PRKN: variants seen among roughly 807,000 people sequenced by gnomAD.
PRKN encodes E3 ubiquitin-protein ligase parkin.
A neutral mutation model predicts 59.5 loss-of-function variants in PRKN; 56 were observed. The ratio of observed to expected loss-of-function variants is 0.94; its 90% CI spans 0.76 to 1.18. The LOEUF (loss-of-function observed/expected upper bound fraction) is 1.18, where lower values mean the gene tolerates loss of function less well. Ranked by LOEUF, PRKN falls within the 50% of genes most tolerant of loss-of-function variation. The probability of loss-of-function intolerance (pLI) is 0.00; values close to 1 mark genes in which losing one functional copy is unlikely to be tolerated. For synonymous variants in PRKN, 250 were observed against 222.1 expected, an observed-to-expected ratio of 1.13 and a Z score of -1.12; for missense variants, 657 against 596.4, an observed-to-expected ratio of 1.10 and a Z score of -1.06.
At chr6:161,565,318 C>T (rs1298128546) in intron 8 of PRKN, among the ~76,000 whole-genome samples, 1 of 152,116 alleles carries the variant, frequency 6.6e-6, no homozygotes, top group Non-Finnish European at 1.5e-5. Context: ...TCAACCATTT[C>T]CCAAGTTTAT....
In PRKN at chr6:162,727,677, G is replaced by A. The variant is rs549204834; in HGVS notation, c.-9C>T. ...ACCCACGTACCTATCATGGTCACTG[G>A]GTAGGTGGCGGCTGCGGGCCAGGAA... is the stretch of plus-strand genomic sequence containing the variant. On this transcript the variant is annotated 5_prime_UTR_variant, in exon 1 of 12. Transcript: ENST00000366898. 1.1e-5 allele frequency: 18 copies of A among 1,577,904 alleles called. No individual in the cohort carries two copies. In the African/African-American group the frequency reaches 2.3e-4, roughly 20 times the overall value.
intron 9 of PRKN, among the ~76,000 whole-genome samples, chr6:161,528,091 TAGATA>T (rs1779077648): frequency 6.6e-6 from 1 of 152,216 alleles, no homozygotes; most frequent in Admixed American, 6.5e-5. Context: ...AGAATTTCCA[TAGATA>T]TAATATATGC....
intron 1 of PRKN, among the ~76,000 whole-genome samples, chr6:162,479,832 C>T (rs1296516936): frequency 2.7e-5 from 4 of 150,330 alleles, no homozygotes; most frequent in East Asian, 4.0e-4. Flanking sequence ...TTTGGGAGGT[C>T]GAGGCAGGCA....
intron 1 of PRKN, among the ~76,000 whole-genome samples, chr6:162,486,421 G>A (rs796798071): frequency 5.3e-5 from 8 of 152,260 alleles, no homozygotes; most frequent in South Asian, 2.1e-4. Flanking sequence ...ACCACACCAC[G>A]TGCATATCAG....
At chr6:162,099,584 T>C (rs1256747759) in intron 4 of PRKN, among the ~76,000 whole-genome samples, 1 of 152,204 alleles carries the variant, frequency 6.6e-6, no homozygotes, top group Non-Finnish European at 1.5e-5. Flanking sequence ...TGAAGTATAA[T>C]ACATGTATGT....
At chr6:161,932,046 GT>G (rs1186941823) in intron 6 of PRKN, among the ~76,000 whole-genome samples, 2 of 152,056 alleles carry the variant, frequency 1.3e-5, no homozygotes, top group South Asian at 2.1e-4. Context: ...GCCTAAAAAT[GT>G]TTTTTAATGC....
At chr6:161,433,522 A>G (rs1298087508) in intron 9 of PRKN, among the ~76,000 whole-genome samples, 2 of 152,164 alleles carry the variant, frequency 1.3e-5, no homozygotes, top group Non-Finnish European at 2.9e-5. Flanking sequence ...GATGACCAAT[A>G]AAATATTTTC....
chr6:162,265,951 A>G (rs1780111721), intron 2 of PRKN, among the ~76,000 whole-genome samples: 1 of 152,122 alleles, frequency 6.6e-6, no homozygotes, highest in Admixed American at 6.5e-5. Context: ...ACAAGCTATC[A>G]CTGTCCATGA....
chr6:161,837,454 T>G (rs1167738292), intron 6 of PRKN, among the ~76,000 whole-genome samples: 7 of 152,182 alleles, frequency 4.6e-5, no homozygotes, highest in Non-Finnish European at 8.8e-5. Flanking sequence ...AAATCAAACT[T>G]TGACTCATTT....
rs1474691557 is a variant in PRKN, at chr6:161,369,993, C to T, written c.1168-9788G>A. ...AGCCAGGTGCACCCTGAATGCTAAC[C>T]GTGTGTTTTCTATGATCACCACCAT... On this transcript the variant is annotated intron_variant, in intron 10 of 11. Coordinates refer to ENST00000366898, the MANE Select transcript of PRKN (RefSeq NM_004562.3). The surrounding 1 kb of genome is among the most constrained non-coding windows in gnomAD (Gnocchi z 5.8). 4.5e-6 allele frequency: 2 copies of T among 443,842 alleles called. No individual in the cohort carries two copies. The highest frequency in any genetic ancestry group is 2.0e-5 in the African/African-American group (1 of 49,882). 27.5% of individuals were successfully genotyped at this position (443,842 alleles called of 1,614,324 possible).
intron 5 of PRKN, among the ~76,000 whole-genome samples, chr6:162,021,597 G>C (rs560518827): frequency 6.6e-6 from 1 of 151,884 alleles, no homozygotes; most frequent in South Asian, 2.1e-4. Context: ...CTCATCCGAA[G>C]TTTCTAGGAT....
At chr6:162,548,753 C>T (rs964884362) in intron 1 of PRKN, among the ~76,000 whole-genome samples, 6 of 152,094 alleles carry the variant, frequency 3.9e-5, no homozygotes, top group South Asian at 2.1e-4. Flanking sequence ...AATAATGACA[C>T]AAAATTTCAA....
intron 4 of PRKN, among the ~76,000 whole-genome samples, chr6:162,093,398 C>T (rs1779591122): frequency 1.3e-5 from 2 of 152,162 alleles, no homozygotes; most frequent in Admixed American, 1.3e-4. Flanking sequence ...CTTTCTTCTC[C>T]TGTAGTTATT....
At chr6:161,743,094 AT>A (rs997434936) in intron 7 of PRKN, among the ~76,000 whole-genome samples, 9 of 151,146 alleles carry the variant, frequency 6.0e-5, no homozygotes, top group East Asian at 1.9e-4. Context: ...GCTGAAATGA[AT>A]TTTTTTTTCC....
intron 1 of PRKN, among the ~76,000 whole-genome samples, chr6:162,461,499 C>CAAAAAAAAAA (rs780424226): frequency 2.7e-3 from 99 of 36,524 alleles, no homozygotes; most frequent in Non-Finnish European, 3.2e-3. Flanking sequence ...TAAAGTGTCT[C>CAAAAAAAAAA]AAAAAAAAAA....
intron 2 of PRKN, among the ~76,000 whole-genome samples, chr6:162,292,777 G>A (rs537923546): frequency 1.3e-5 from 2 of 152,216 alleles, no homozygotes; most frequent in Admixed American, 1.3e-4. Context: ...TGGGGAGGGG[G>A]ATATAAAAAC....
chr6:162,077,236 T>C (rs1778865247), intron 4 of PRKN, among the ~76,000 whole-genome samples: 1 of 152,108 alleles, frequency 6.6e-6, no homozygotes. Flanking sequence ...ACCTACAGCA[T>C]TCAATATAGT....
chr6:161,548,469 T>C lies in PRKN; in HGVS notation c.1083+385A>G, dbSNP rs1779872444. On this transcript the variant is annotated intron_variant, in intron 9 of 11. Transcript: ENST00000366898. The surrounding 1 kb of genome is among the most constrained non-coding windows in gnomAD (Gnocchi z 4.2). ...TCAGGCAAACAATGTCACTAAGACGTCACTGATGGAGAATTCTTTCTCCTT... is the reference window on the plus strand; with the variant it reads ...TCAGGCAAACAATGTCACTAAGACGCCACTGATGGAGAATTCTTTCTCCTT... Among the ~76,000 whole-genome samples, 1 of 152,202 alleles carries C rather than the reference T, an allele frequency of 6.6e-6. No individual in the cohort carries two copies. The highest frequency in any genetic ancestry group is 1.5e-5 in the Non-Finnish European group (1 of 68,038).
chr6:161,446,152 A>T lies in PRKN; in HGVS notation c.1084-59275T>A, dbSNP rs1435171331. 6.6e-6 allele frequency among the ~76,000 whole-genome samples: 1 copy of T among 152,128 alleles called. No homozygotes were observed. The highest frequency in any genetic ancestry group is 2.4e-5 in the African/African-American group (1 of 41,424). On this transcript the variant is annotated intron_variant, in intron 9 of 11. Coordinates refer to ENST00000366898, the MANE Select transcript of PRKN (RefSeq NM_004562.3). This position sits in a 1 kb window ranked among gnomAD's most constrained non-coding sequence, Gnocchi z 6.2. ...GGATCATCTGAGCCTGGGGAGGTCG[A>T]GGCCACAGTAAGCTAGGATTGTATC...
Sources: allele counts gnomAD v4.1 joint callset (sites outside exome capture counted in the v4.1 genomes callset), GRCh38; gene constraint gnomAD v4.1.1; non-coding constraint Gnocchi (gnomAD v3.1); transcripts MANE v1.5; gene names NCBI Gene and HGNC (gene_info 2026-07-23, HGNC 2026-07-21).